GRM1: variants seen among roughly 807,000 people sequenced by gnomAD.
GRM1 encodes the protein glutamate metabotropic receptor 1.
Under a neutral mutation model 90.9 loss-of-function variants are expected in GRM1, and 33 were observed. The ratio of observed to expected loss-of-function variants is 0.36; its 90% CI spans 0.28 to 0.49. The LOEUF is 0.49. Ranked by LOEUF, GRM1 falls within the 20% of genes least tolerant of loss-of-function variation. The pLI is 0.99. For synonymous variants in GRM1, 700 were observed against 613.2 expected, an observed-to-expected ratio of 1.14 and a Z score of -2.09; for missense variants, 1,190 against 1,534.3, an observed-to-expected ratio of 0.78 and a Z score of 3.75.
intron 2 of GRM1, among the ~76,000 whole-genome samples, chr6:146,285,502 A>G (rs1200194044): frequency 6.6e-6 from 1 of 152,114 alleles, no homozygotes; most frequent in Non-Finnish European, 1.5e-5. Flanking sequence ...TTTTCCTCAC[A>G]GAGTATTTTT....
intron 2 of GRM1, among the ~76,000 whole-genome samples, 155 bp from the exon 3 acceptor site, chr6:146,304,456 T>C (rs545144060): frequency 1.3e-5 from 2 of 152,322 alleles, no homozygotes; most frequent in South Asian, 4.1e-4. Flanking sequence ...TTCAAAACTT[T>C]CTACTCTCTA....
At chr6:146,215,438 T>A (rs1234736078) in intron 2 of GRM1, among the ~76,000 whole-genome samples, 1 of 152,138 alleles carries the variant, frequency 6.6e-6, no homozygotes, top group Non-Finnish European at 1.5e-5. Context: ...TACTTCCTAA[T>A]ATTACAAATC....
intron 5 of GRM1, among the ~76,000 whole-genome samples, chr6:146,372,359 A>C (rs1001514566): frequency 6.6e-6 from 1 of 152,074 alleles, no homozygotes; most frequent in African/African-American, 2.4e-5. Context: ...CATTCTGGTT[A>C]TTAATTCCTT....
chr6:146,154,589 G>C (rs1406787121), intron 1 of GRM1, among the ~76,000 whole-genome samples: 2 of 152,110 alleles, frequency 1.3e-5, no homozygotes, highest in South Asian at 2.1e-4. Context: ...TTAATGTTAT[G>C]AAAAAGGAAA....
intron 1 of GRM1, among the ~76,000 whole-genome samples, chr6:146,111,284 T>A (rs535013510): frequency 2.0e-5 from 3 of 152,344 alleles, no homozygotes; most frequent in African/African-American, 7.2e-5. Flanking sequence ...AAATCCTGAC[T>A]GTTACCTACC....
intron 2 of GRM1, among the ~76,000 whole-genome samples, chr6:146,289,780 A>G (rs140478557): frequency 1.8e-3 from 281 of 152,356 alleles, no homozygotes; most frequent in African/African-American, 6.1e-3. Context: ...AGTATTCAAT[A>G]TAGTCACAGG....
intron 3 of GRM1, among the ~76,000 whole-genome samples, chr6:146,339,670 CTAAA>C (rs1263345995): frequency 6.6e-6 from 1 of 152,128 alleles, no homozygotes; most frequent in Non-Finnish European, 1.5e-5. Flanking sequence ...AGACAATTGT[CTAAA>C]TAACTTATTA....
intron 3 of GRM1, among the ~76,000 whole-genome samples, chr6:146,320,686 T>A (rs1016930978): frequency 6.6e-6 from 1 of 152,150 alleles, no homozygotes; most frequent in South Asian, 2.1e-4. Flanking sequence ...TTCTTCCTGG[T>A]TCAGTCTTGG....
At position 146,334,579 on chromosome 6, in the gene GRM1, T is replaced by C. The variant is rs191417127; in HGVS notation, c.1187-17671T>C. Reference sequence around the variant, plus strand: ...CTCATTCATATGTATGGTTCTCCATTCTGTCCTCAGAATTTGTTACTGAAA... The same window carrying C: ...CTCATTCATATGTATGGTTCTCCATCCTGTCCTCAGAATTTGTTACTGAAA... On this transcript the variant is annotated intron_variant, in intron 3 of 7. Transcript: ENST00000282753. Among the ~76,000 whole-genome samples, 330 of 152,328 alleles carry C rather than the reference T, an allele frequency of 2.2e-3. 3 individuals are homozygous for C. Among genetic ancestry groups the C allele is most frequent in the African/African-American group, 7.6e-3 (315 of 41,572 alleles).
intron 2 of GRM1, among the ~76,000 whole-genome samples, chr6:146,162,527 T>G (rs1273600642): frequency 6.6e-6 from 1 of 152,170 alleles, no homozygotes; most frequent in Non-Finnish European, 1.5e-5. Context: ...AACCTCAGAA[T>G]CGGACCTCTT....
At chr6:146,396,104 C>CTATCTATCTGTCTATCTATCTATT (rs1554307314) in intron 6 of GRM1, among the ~76,000 whole-genome samples, 2 of 146,898 alleles carry the variant, frequency 1.4e-5, no homozygotes, top group African/African-American at 4.9e-5. Context: ...ATCTATCTAT[C>CTATCTATCTGTCTATCTATCTATT]GTCTATATAT....
At chr6:146,299,619 G>A (rs1293684503) in intron 2 of GRM1, among the ~76,000 whole-genome samples, 1 of 152,134 alleles carries the variant, frequency 6.6e-6, no homozygotes, top group African/African-American at 2.4e-5. Flanking sequence ...ATGGCCTCCA[G>A]GTGCTACTCC....
At chr6:146,372,812 G>T (rs1427465120) in intron 5 of GRM1, among the ~76,000 whole-genome samples, 1 of 151,952 alleles carries the variant, frequency 6.6e-6, no homozygotes, top group African/African-American at 2.4e-5. Context: ...CTGATGAATT[G>T]GTCTATGTGC....
chr6:146,266,396 T>G (rs1208393232), intron 2 of GRM1, among the ~76,000 whole-genome samples: 1 of 152,228 alleles, frequency 6.6e-6, no homozygotes, highest in Non-Finnish European at 1.5e-5. Context: ...ATTCTCATTC[T>G]TCTATTCATT....
At chr6:146,286,113 A>C (rs1483150138) in intron 2 of GRM1, among the ~76,000 whole-genome samples, 8 of 152,168 alleles carry the variant, frequency 5.3e-5, no homozygotes, top group Admixed American at 5.2e-4. Context: ...CAACTGAATC[A>C]ACATTAAATT....
At chr6:146,081,717 A>C (rs992394129) in intron 1 of GRM1, among the ~76,000 whole-genome samples, 2 of 152,172 alleles carry the variant, frequency 1.3e-5, no homozygotes, top group African/African-American at 4.8e-5. Context: ...TGAATTGTAC[A>C]TTAAGCAGTG....
intron 3 of GRM1, 49 bp from the exon 4 acceptor site, chr6:146,352,201 T>G: frequency 6.3e-7 from 1 of 1,598,294 alleles, no homozygotes; most frequent in South Asian, 1.1e-5. Context: ...CCTGGGAGCC[T>G]AGTCTTTATC....
intron 1 of GRM1, among the ~76,000 whole-genome samples, chr6:146,096,424 C>G (rs1776875744): frequency 6.6e-6 from 1 of 152,136 alleles, no homozygotes; most frequent in South Asian, 2.1e-4. Flanking sequence ...CAGCCATCAG[C>G]TATACAGGAA....
intron 2 of GRM1, among the ~76,000 whole-genome samples, chr6:146,190,018 A>G (rs1019249511): frequency 1.3e-5 from 2 of 152,206 alleles, no homozygotes; most frequent in Non-Finnish European, 2.9e-5. Flanking sequence ...AAGTTCGGGT[A>G]TAGGGCCTTG....
Sources: allele counts gnomAD v4.1 joint callset (sites outside exome capture counted in the v4.1 genomes callset), GRCh38; gene constraint gnomAD v4.1.1; transcripts MANE v1.5; gene names NCBI Gene and HGNC (gene_info 2026-07-23, HGNC 2026-07-21).